The following CSRNP3 variants were observed in gnomAD, a reference collection of about 807,000 sequenced individuals.
The protein encoded by CSRNP3 is cysteine and serine rich nuclear protein 3, also known as cysteine/serine-rich nuclear protein 3.
CSRNP3 carries 12 observed loss-of-function variants against 48.0 expected under a neutral mutation model. The ratio of observed to expected loss-of-function variants is 0.25; its 90% CI spans 0.16 to 0.41. CSRNP3 has a LOEUF of 0.41. CSRNP3 is among the 10% of genes least tolerant of loss of function. CSRNP3 has a pLI of 1.00. For synonymous variants in CSRNP3, 263 were observed against 269.7 expected, an observed-to-expected ratio of 0.98 and a Z score of 0.24; for missense variants, 580 against 724.4, an observed-to-expected ratio of 0.80 and a Z score of 2.29.
chr2:165,658,320 T>C (rs1354937779), intron 5 of CSRNP3, among the ~76,000 whole-genome samples: 1 of 152,150 alleles, frequency 6.6e-6, no homozygotes, highest in Non-Finnish European at 1.5e-5. Context: ...CCTCTCTCTA[T>C]AGGAACTTAT....
intron 3 of CSRNP3, among the ~76,000 whole-genome samples, chr2:165,536,154 C>A (rs1684878879): frequency 6.6e-6 from 1 of 151,812 alleles, no homozygotes; most frequent in African/African-American, 2.4e-5. Context: ...AAATCTCAAC[C>A]AAATATTGTC....
rs528250573 is a variant in CSRNP3, at chr2:165,588,490, G to A, written c.-23-6553G>A. 3.0e-4 allele frequency among the ~76,000 whole-genome samples: 45 copies of A among 152,344 alleles called. 1 individual carries two copies. Among genetic ancestry groups the A allele is most frequent in the African/African-American group, 1.0e-3 (43 of 41,560 alleles). On this transcript the variant is annotated intron_variant, in intron 3 of 6. Coordinates refer to ENST00000651982, the MANE Select transcript of CSRNP3 (RefSeq NM_001172173.2). ...GAATAATTGGGAGGCCCTTGGCCTA[G>A]TCTAAGTGAGAAATGGTGGTGCCCT...
chr2:165,599,271 G>GAA, intron 4 of CSRNP3, among the ~76,000 whole-genome samples: 6 of 71,754 alleles, frequency 8.4e-5, no homozygotes, highest in African/African-American at 2.9e-4. Context: ...GAAAAAGAAA[G>GAA]AAAGAGAGAG....
At chr2:165,530,154 A>G (rs1159958340) in intron 3 of CSRNP3, among the ~76,000 whole-genome samples, 3 of 152,134 alleles carry the variant, frequency 2.0e-5, no homozygotes, top group Non-Finnish European at 4.4e-5. Flanking sequence ...TTGAAGGTAA[A>G]GTATGTTTGG....
intron 1 of CSRNP3, among the ~76,000 whole-genome samples, chr2:165,492,917 A>T (rs13413561): frequency 6.8e-6 from 1 of 146,776 alleles, no homozygotes; most frequent in African/African-American, 2.5e-5. Context: ...TGACCAAAGG[A>T]TGATACTCAA....
At chr2:165,654,183 G>C (rs1686965354) in intron 4 of CSRNP3, among the ~76,000 whole-genome samples, 1 of 152,060 alleles carries the variant, frequency 6.6e-6, no homozygotes, top group Non-Finnish European at 1.5e-5. Flanking sequence ...CTGCTGTAAG[G>C]GGTAATGTAT....
chr2:165,576,680 G>A (rs1204480132), intron 3 of CSRNP3, among the ~76,000 whole-genome samples: 2 of 151,920 alleles, frequency 1.3e-5, no homozygotes, highest in South Asian at 2.1e-4. Context: ...GCAATAGCTC[G>A]AGCCATACTA....
intron 4 of CSRNP3, among the ~76,000 whole-genome samples, chr2:165,648,723 G>A (rs1050005684): frequency 6.6e-6 from 1 of 152,076 alleles, no homozygotes; most frequent in Admixed American, 6.6e-5. Flanking sequence ...ATGTGTGGAT[G>A]AACAATTGCT....
intron 1 of CSRNP3, among the ~76,000 whole-genome samples, chr2:165,493,936 A>G (rs1425725701): frequency 2.6e-5 from 4 of 152,066 alleles, no homozygotes; most frequent in Admixed American, 2.6e-4. Flanking sequence ...ACCCATGATC[A>G]CCTTCACTGT....
chr2:165,656,672 G>C (rs1472060139), intron 4 of CSRNP3, among the ~76,000 whole-genome samples: 1 of 152,146 alleles, frequency 6.6e-6, no homozygotes, highest in African/African-American at 2.4e-5. Context: ...GTCTTTTCAA[G>C]TGAAAGTTTT....
Position 165,679,709 on chromosome 2 carries a change from G to C in CSRNP3, c.1714G>C (p.Glu572Gln). The C allele has an allele frequency of 6.2e-7, 1 of 1,614,018 alleles. No individual in the cohort carries two copies. Among genetic ancestry groups the C allele is most frequent in the Non-Finnish European group, 8.5e-7 (1 of 1,179,958 alleles). Residue 572 changes from glutamate (E) to glutamine (Q), a missense_variant, in exon 7 of 7, where the codon GAA becomes CAA. Physicochemically the swap from Glu to Gln is conservative, Grantham distance 29 (BLOSUM62 2). Transcript: ENST00000651982. ...LSLAEKSILH[E>Q]ECIKSPVVET... ...CCTTGCAGAAAAGAGCATATTGCAT[G>C]AAGAGTGCATCAAATCACCCGTGGT...
intron 3 of CSRNP3, among the ~76,000 whole-genome samples, chr2:165,527,501 G>A (rs1351446933): frequency 2.0e-5 from 3 of 151,822 alleles, no homozygotes; most frequent in Non-Finnish European, 2.9e-5. Flanking sequence ...CACCGTGCCC[G>A]GCCACTATTT....
At chr2:165,471,375 A>G (rs1683893416) in intron 1 of CSRNP3, among the ~76,000 whole-genome samples, 1 of 152,026 alleles carries the variant, frequency 6.6e-6, no homozygotes, top group Admixed American at 6.6e-5. Context: ...CAAGATTGAA[A>G]TTCAAGGTGA....
intron 5 of CSRNP3, among the ~76,000 whole-genome samples, chr2:165,669,688 C>CA (rs1052428520): frequency 2.6e-5 from 4 of 151,708 alleles, no homozygotes; most frequent in Admixed American, 2.0e-4. Flanking sequence ...TTCCATCTGT[C>CA]AAAAAAAAGT....
intron 3 of CSRNP3, among the ~76,000 whole-genome samples, chr2:165,535,310 CTTGTTCTTTTTTTTTTTTTCTT>C (rs1684867463): frequency 6.7e-6 from 1 of 150,000 alleles, no homozygotes; most frequent in Non-Finnish European, 1.5e-5. Context: ...AATACTTTAG[CTTGTTCTTTTTTTTTTTTTCTT>C]TGACCTACAT....
intron 4 of CSRNP3, among the ~76,000 whole-genome samples, chr2:165,653,325 A>G (rs1263896713): frequency 6.6e-6 from 1 of 152,216 alleles, no homozygotes; most frequent in Admixed American, 6.5e-5. Flanking sequence ...AATGTTATGT[A>G]TAATATGCAA....
At chr2:165,568,824 A>G (rs1239547643) in intron 3 of CSRNP3, among the ~76,000 whole-genome samples, 1 of 152,046 alleles carries the variant, frequency 6.6e-6, no homozygotes, top group Non-Finnish European at 1.5e-5. Flanking sequence ...GTCTCTTCTA[A>G]ATTATAATAT....
intron 3 of CSRNP3, among the ~76,000 whole-genome samples, chr2:165,580,723 C>G (rs1488963825): frequency 6.6e-6 from 1 of 152,004 alleles, no homozygotes; most frequent in East Asian, 1.9e-4. Context: ...ATTTACATTG[C>G]CTCATCTGTT....
At chr2:165,502,343 A>G (rs1050156311) in intron 2 of CSRNP3, among the ~76,000 whole-genome samples, 25 of 152,070 alleles carry the variant, frequency 1.6e-4, no homozygotes, top group Non-Finnish European at 3.4e-4. Context: ...CACATTTTCT[A>G]TAGATGGTAA....
Sources: allele counts gnomAD v4.1 joint callset (sites outside exome capture counted in the v4.1 genomes callset), GRCh38; gene constraint gnomAD v4.1.1; transcripts MANE v1.5; gene names NCBI Gene and HGNC (gene_info 2026-07-23, HGNC 2026-07-21).